The following PNPLA7 variants were observed in gnomAD, a reference collection of about 807,000 sequenced individuals.
PNPLA7 encodes patatin like domain 7, lysophospholipase, also known as patatin-like phospholipase domain-containing protein 7.
Under a neutral mutation model 161.7 loss-of-function variants are expected in PNPLA7, and 153 were observed. That is an observed-to-expected ratio of 0.95 (90% CI 0.83 to 1.08). PNPLA7 has a LOEUF of 1.08. PNPLA7 is among the 50% of genes least tolerant of loss of function. PNPLA7 has a pLI of 0.00. For synonymous variants in PNPLA7, 809 were observed against 782.1 expected, an observed-to-expected ratio of 1.03 and a Z score of -0.57; for missense variants, 1,739 against 1,856.6, an observed-to-expected ratio of 0.94 and a Z score of 1.16.
rs776951287 is a variant in PNPLA7, at chr9:137,463,390, G to C, written c.3343+25C>G. 3.2e-6 allele frequency: 5 copies of C among 1,573,486 alleles called. No individual in the cohort carries two copies. In the East Asian group the frequency reaches 9.2e-5, roughly 29 times the overall value. On this transcript the variant is annotated intron_variant, in intron 29 of 34. Transcript: ENST00000406427. ...TGACCCAGGAGCCTGTGCTCCTGCC[G>C]GGCGTGGTCCCCCCACCGCAGTACC... is the stretch of plus-strand genomic sequence containing the variant.
At chr9:137,545,373 C>T (rs769827947) in intron 4 of PNPLA7, among the ~76,000 whole-genome samples, 25 of 152,206 alleles carry the variant, frequency 1.6e-4, no homozygotes, top group Non-Finnish European at 3.5e-4. Flanking sequence ...CTGGCAGAGA[C>T]CTCCAAGCTT....
chr9:137,495,058 G>GT lies in PNPLA7; in HGVS notation c.2101dup (p.Thr701AsnfsTer20). The stretch of plus-strand genomic sequence containing the variant: ...CTGTGGGTACCTGCGCTTGATGGAC[G>GT]TGAGGGCTCCTGCCGGCAGCTTGGC... On this transcript the variant is annotated frameshift_variant, in exon 19 of 35. Transcript: ENST00000406427. LOFTEE classifies it high-confidence loss of function. 1 of 1,610,484 alleles carries GT rather than the reference G, an allele frequency of 6.2e-7. No homozygotes were observed. The highest frequency in any genetic ancestry group is 1.1e-5 in the South Asian group (1 of 90,982).
intron 8 of PNPLA7, among the ~76,000 whole-genome samples, chr9:137,534,300 C>T (rs1171122951): frequency 5.3e-5 from 8 of 151,278 alleles, no homozygotes; most frequent in Admixed American, 5.3e-4. Flanking sequence ...CGGGGGCACT[C>T]CCAGGCTCCT....
At chr9:137,491,896 G>A in intron 20 of PNPLA7, 1 of 985,476 alleles carries the variant, frequency 1.0e-6, no homozygotes, top group African/African-American at 1.7e-5. Flanking sequence ...AAAGGGAGCT[G>A]AGAGTGCTGG....
intron 12 of PNPLA7, among the ~76,000 whole-genome samples, chr9:137,511,141 C>T (rs966487158): frequency 2.0e-5 from 3 of 152,102 alleles, no homozygotes; most frequent in African/African-American, 7.2e-5. Flanking sequence ...GGGAAGGCAC[C>T]CGTTACTTAG....
At chr9:137,522,286 G>T (rs987126826) in intron 9 of PNPLA7, among the ~76,000 whole-genome samples, 3 of 149,808 alleles carry the variant, frequency 2.0e-5, no homozygotes, top group Non-Finnish European at 2.9e-5. Flanking sequence ...GTGTGAGCCA[G>T]GATGGTCTCG....
chr9:137,485,973 C>T (rs190202523), intron 20 of PNPLA7, among the ~76,000 whole-genome samples: 15 of 152,088 alleles, frequency 9.9e-5, no homozygotes, highest in Admixed American at 2.6e-4. Flanking sequence ...GTTGAGGGGA[C>T]GGCCTCACTG....
chr9:137,511,772 T>G (rs747797634), intron 12 of PNPLA7, among the ~76,000 whole-genome samples: 8 of 152,228 alleles, frequency 5.3e-5, no homozygotes, highest in Non-Finnish European at 1.2e-4. Context: ...CTGCTTCTCT[T>G]AAGTTCTTAG....
At position 137,500,868 on chromosome 9, in the gene PNPLA7, C is replaced by G; in HGVS notation, c.1580G>C (p.Gly527Ala). ...QDASILFVVSGLLHVYQRKIG... is the reference protein window; with the variant it reads ...QDASILFVVSALLHVYQRKIG... ...CTTCCGCTGGTACACGTGCAGCAGC[C>G]CCGAGACCACGAACAGGATGCTGGC... Residue 527 changes from glycine to alanine, a missense_variant, in exon 16 of 35, where the codon GGG becomes GCG. Transcript: ENST00000406427. The surrounding 1 kb of genome is among the most constrained non-coding windows in gnomAD (Gnocchi z 5.5). 6.3e-7 allele frequency: 1 copy of G among 1,584,408 alleles called. No homozygotes were observed. Among genetic ancestry groups the G allele is most frequent in the Non-Finnish European group, 8.6e-7 (1 of 1,168,360 alleles).
chr9:137,522,574 G>T (rs1328858121), intron 9 of PNPLA7, among the ~76,000 whole-genome samples, 155 bp downstream of exon 9: 1 of 152,250 alleles, frequency 6.6e-6, no homozygotes, highest in Non-Finnish European at 1.5e-5. Flanking sequence ...CAATGAAGTT[G>T]ATTTCTCTAT....
chr9:137,542,572 C>A, intron 7 of PNPLA7, 70 bp downstream of exon 7: 1 of 1,394,924 alleles, frequency 7.2e-7, no homozygotes, highest in East Asian at 2.7e-5. Context: ...AAACGTTTTA[C>A]AGCCCGAGAA....
Position 137,505,598 on chromosome 9 carries a change from C to A in PNPLA7, c.1473+16G>T. On this transcript the variant is annotated intron_variant, in intron 14 of 34. Coordinates refer to ENST00000406427, the MANE Select transcript of PNPLA7 (RefSeq NM_001098537.3). ...CTGGGTGGGACAAGGGCCAGGTGCC[C>A]GCCGGGGCCACTCACTTCCAGCTTC... is the stretch of plus-strand genomic sequence containing the variant. 6.2e-7 allele frequency: 1 copy of A among 1,613,218 alleles called. No individual in the cohort carries two copies. The highest frequency in any genetic ancestry group is 8.5e-7 in the Non-Finnish European group (1 of 1,179,542).
At chr9:137,484,831 C>A (rs572584571) in intron 20 of PNPLA7, 95 bp from the exon 21 acceptor site, 5 of 1,415,298 alleles carry the variant, frequency 3.5e-6, no homozygotes, top group African/African-American at 1.4e-5. Flanking sequence ...ACAGGAGCAA[C>A]GCAGCAGCAC....
At chr9:137,487,090 G>C (rs372918337) in intron 20 of PNPLA7, among the ~76,000 whole-genome samples, 1 of 151,914 alleles carries the variant, frequency 6.6e-6, no homozygotes, top group Non-Finnish European at 1.5e-5. Flanking sequence ...TCCTGAGCAC[G>C]GTGCCAGCTT....
At chr9:137,522,269 T>G (rs1315456006) in intron 9 of PNPLA7, among the ~76,000 whole-genome samples, 3 of 151,172 alleles carry the variant, frequency 2.0e-5, no homozygotes, top group African/African-American at 7.4e-5. Context: ...AGAGACGGGG[T>G]TTCACCGTGT....
Position 137,500,778 on chromosome 9 carries a change from G to A in PNPLA7, c.1670C>T (p.Ala557Val). 1 of 1,611,958 alleles carries A rather than the reference G, an allele frequency of 6.2e-7. No individual in the cohort carries two copies. The highest frequency in any genetic ancestry group is 8.5e-7 in the Non-Finnish European group (1 of 1,179,728). Residue 557 changes from alanine to valine, a missense_variant, in exon 16 of 35, where the codon GCC becomes GTC. By Grantham distance (64) the Ala-to-Val change is moderately conservative. Around this residue, in one of 6 missense-constraint regions of PNPLA7, gnomAD observed 481 missense variants for 450.0 expected, o/e 1.07. Transcript: ENST00000406427. This position sits in a 1 kb window ranked among gnomAD's most constrained non-coding sequence, Gnocchi z 5.5. ...TRPGEMVGQLAVLTGEPLIFT... is the reference protein window; with the variant it reads ...TRPGEMVGQLVVLTGEPLIFT... The stretch of plus-strand genomic sequence containing the variant: ...GATGAGAGGCTCCCCGGTGAGCACG[G>A]CCAGCTGGCCCACCATCTCCCCGGG...
chr9:137,482,744 C>T (rs531059313), intron 21 of PNPLA7, among the ~76,000 whole-genome samples: 12 of 152,392 alleles, frequency 7.9e-5, no homozygotes, highest in Admixed American at 6.5e-5. Flanking sequence ...TAAACGCCAA[C>T]GTCCCGGCCT....
intron 16 of PNPLA7, among the ~76,000 whole-genome samples, chr9:137,498,542 G>A (rs1340197095): frequency 6.6e-6 from 1 of 152,254 alleles, no homozygotes; most frequent in Non-Finnish European, 1.5e-5. Context: ...GTCCTGGCAG[G>A]GGACTGCACA....
chr9:137,485,127 T>C (rs912819024), intron 20 of PNPLA7, among the ~76,000 whole-genome samples: 1 of 152,226 alleles, frequency 6.6e-6, no homozygotes, highest in Non-Finnish European at 1.5e-5. Flanking sequence ...CCTGATGAGC[T>C]GCCAGTCCAC....
Sources: allele counts gnomAD v4.1 joint callset (sites outside exome capture counted in the v4.1 genomes callset), GRCh38; gene constraint gnomAD v4.1.1; regional missense constraint gnomAD v4.1.1; non-coding constraint Gnocchi (gnomAD v3.1); transcripts MANE v1.5; gene names NCBI Gene and HGNC (gene_info 2026-07-23, HGNC 2026-07-21).